CPLX1: variants seen among roughly 807,000 people sequenced by gnomAD.
CPLX1 encodes complexin-1.
In CPLX1, 6 loss-of-function variants were observed where a neutral mutation model predicts 15.6. The ratio of observed to expected loss-of-function variants is 0.39; its 90% CI spans 0.21 to 0.76. CPLX1 has a LOEUF of 0.76. CPLX1 is among the 30% of genes least tolerant of loss of function. CPLX1 has a pLI of 0.43. For missense variants in CPLX1, 242 were observed against 188.6 expected, an observed-to-expected ratio of 1.28 and a Z score of -1.66; for synonymous variants, 91 against 75.2, an observed-to-expected ratio of 1.21 and a Z score of -1.08.
intron 2 of CPLX1, among the ~76,000 whole-genome samples, chr4:816,590 C>T (rs1301958946): frequency 6.6e-6 from 1 of 152,100 alleles, no homozygotes; most frequent in Non-Finnish European, 1.5e-5. Context: ...GTGATTTTCT[C>T]ATATCACTTC....
chr4:808,599 G>A (rs1393609743), intron 2 of CPLX1, among the ~76,000 whole-genome samples: 3 of 152,230 alleles, frequency 2.0e-5, no homozygotes, highest in Admixed American at 1.3e-4. Flanking sequence ...AGCGGTTCAG[G>A]AGGTGGGTCT....
intron 2 of CPLX1, among the ~76,000 whole-genome samples, chr4:817,931 G>A (rs1016930125): frequency 5.3e-5 from 8 of 152,198 alleles, no homozygotes; most frequent in Non-Finnish European, 1.0e-4. Flanking sequence ...GAATAAACCA[G>A]CATCTGAGGA....
At chr4:824,933 C>T (rs1746948317) in intron 1 of CPLX1, 1 of 377,584 alleles carries the variant, frequency 2.6e-6, no homozygotes, top group Non-Finnish European at 5.1e-6. Context: ...GACTGCTCCG[C>T]TCTGCAGCTC....
chr4:808,257 TAAAAA>T (rs1746594635), intron 2 of CPLX1, among the ~76,000 whole-genome samples: 1 of 123,214 alleles, frequency 8.1e-6, no homozygotes, highest in African/African-American at 3.6e-5. Context: ...AATAAATAAA[TAAAAA>T]TAAATAAAAA....
At chr4:804,330 T>A (rs1158114875) in intron 2 of CPLX1, among the ~76,000 whole-genome samples, 3 of 152,244 alleles carry the variant, frequency 2.0e-5, no homozygotes, top group African/African-American at 7.2e-5. Context: ...TGTGGCAGCA[T>A]GGCTAAATAC....
chr4:792,324 AGGGG>A (rs1233203829), intron 3 of CPLX1, 105 bp downstream of exon 3: 1 of 954,742 alleles, frequency 1.0e-6, no homozygotes, highest in African/African-American at 1.8e-5. Context: ...TAGGAGGCCC[AGGGG>A]GACGCCCGCC....
Position 786,450 on chromosome 4 carries a change from A to G in CPLX1, c.*51T>C, listed in dbSNP as rs1442485809. On this transcript the variant is annotated 3_prime_UTR_variant, in exon 4 of 4. Coordinates refer to ENST00000304062, the MANE Select transcript of CPLX1 (RefSeq NM_006651.4). ...CGTCCCTCAGGGGCCTCCGCGGAGG[A>G]TCTGTAGGGGGAGGGGCGGGGGCTC... The G allele has an allele frequency of 6.7e-7, 1 of 1,488,158 alleles. No individual in the cohort carries two copies. Among genetic ancestry groups the G allele is most frequent in the Non-Finnish European group, 9.0e-7 (1 of 1,112,098 alleles). The allele number at this position is 1,488,158 out of a possible 1,614,324, so 92.2% of individuals were successfully genotyped here.
intron 1 of CPLX1, among the ~76,000 whole-genome samples, chr4:825,570 G>A (rs1276597316): frequency 6.6e-6 from 1 of 151,922 alleles, no homozygotes; most frequent in Non-Finnish European, 1.5e-5. Context: ...GCGGGCGGGC[G>A]AGCGGCCCTC....
chr4:805,464 C>G (rs1305042628), intron 2 of CPLX1, among the ~76,000 whole-genome samples: 3 of 152,176 alleles, frequency 2.0e-5, no homozygotes, highest in African/African-American at 7.2e-5. Context: ...CAAGTGTTGG[C>G]AACAATGTGA....
At chr4:803,129 A>C (rs1746488380) in intron 2 of CPLX1, among the ~76,000 whole-genome samples, 1 of 152,248 alleles carries the variant, frequency 6.6e-6, no homozygotes, top group Non-Finnish European at 1.5e-5. Context: ...AAAACAAAAT[A>C]ATCCCAAATA....
At position 812,264 on chromosome 4, in the gene CPLX1, CAG is replaced by C. The variant is rs368330602; in HGVS notation, c.31+12226_31+12227del. Among the ~76,000 whole-genome samples, 310 of 152,106 alleles carry C rather than the reference CAG, an allele frequency of 2.0e-3. 8 individuals carry two copies. In the South Asian group the frequency reaches 0.06, roughly 29 times the overall value. On this transcript the variant is annotated intron_variant, in intron 2 of 3. Transcript: ENST00000304062. Reference sequence around the variant, plus strand: ...TAAATTTTTGTATTTTTAGTAGAGACAGGGGTATCACCATGTTGTCCAGGATG... The same window carrying C: ...TAAATTTTTGTATTTTTAGTAGAGACGGGTATCACCATGTTGTCCAGGATG...
At chr4:805,418 CCA>C (rs1340539772) in intron 2 of CPLX1, among the ~76,000 whole-genome samples, 1 of 152,134 alleles carries the variant, frequency 6.6e-6, no homozygotes, top group Non-Finnish European at 1.5e-5. Context: ...CGGCTCACAC[CCA>C]CTCAGACGGC....
At chr4:792,331 C>A (rs1054358258) in intron 3 of CPLX1, 102 bp downstream of exon 3, 5 of 1,148,814 alleles carry the variant, frequency 4.4e-6, no homozygotes, top group Non-Finnish European at 5.9e-6. Context: ...CCCAGGGGGA[C>A]GCCCGCCCCT....
At chr4:809,871 G>A (rs1292682024) in intron 2 of CPLX1, among the ~76,000 whole-genome samples, 1 of 152,008 alleles carries the variant, frequency 6.6e-6, no homozygotes, top group Non-Finnish European at 1.5e-5. Flanking sequence ...AGCAGGCGGG[G>A]GGACTGGCCC....
intron 2 of CPLX1, among the ~76,000 whole-genome samples, chr4:811,968 A>C (rs1746672267): frequency 6.6e-6 from 1 of 152,192 alleles, no homozygotes; most frequent in East Asian, 1.9e-4. Flanking sequence ...CATCCCTGGC[A>C]ATATTTCTTG....
intron 2 of CPLX1, among the ~76,000 whole-genome samples, chr4:802,371 C>T (rs181274742): frequency 2.6e-5 from 4 of 152,274 alleles, no homozygotes; most frequent in African/African-American, 9.6e-5. Context: ...ATGTAGATTG[C>T]CTGGGGCCAG....
At position 792,460 on chromosome 4, in the gene CPLX1, C is replaced by T. The variant is rs1426737288; in HGVS notation, c.180G>A (p.Glu60=). ...TGTCTCGGATGCCCTGGCGCACGGC[C>T]TCGCGCTCCGCCTCCATCTTGGCGT... is the stretch of plus-strand genomic sequence containing the variant. ...AKYAKMEAER[E]AVRQGIRDKY... is the part of the protein sequence containing the mutation. Residue 60 remains glutamate, a synonymous_variant, in exon 3 of 4, where the codon GAG becomes GAA. Coordinates refer to ENST00000304062, the MANE Select transcript of CPLX1 (RefSeq NM_006651.4). 7 of 1,607,888 alleles carry T rather than the reference C, an allele frequency of 4.4e-6. No individual in the cohort carries two copies. The highest frequency in any genetic ancestry group is 5.1e-6 in the Non-Finnish European group (6 of 1,177,662).
intron 2 of CPLX1, among the ~76,000 whole-genome samples, chr4:801,962 A>T (rs898906991): frequency 2.0e-5 from 3 of 152,260 alleles, no homozygotes; most frequent in African/African-American, 7.2e-5. Flanking sequence ...ACTTGTGGGA[A>T]GGTAAATGCT....
At chr4:823,389 G>A (rs1746908687) in intron 2 of CPLX1, among the ~76,000 whole-genome samples, 1 of 152,108 alleles carries the variant, frequency 6.6e-6, no homozygotes, top group African/African-American at 2.4e-5. Flanking sequence ...TCCTGCCCTG[G>A]GGGAAGCGGC....
Sources: gnomAD v4.1 joint callset for allele counts (sites outside exome capture counted in the v4.1 genomes callset) on GRCh38, gnomAD v4.1.1 for gene constraint, MANE v1.5 for transcripts, NCBI Gene and HGNC (gene_info 2026-07-23, HGNC 2026-07-21) for gene names.